Variants in RYR1 observed in about 807,000 individuals in gnomAD.
RYR1 encodes the protein ryanodine receptor 1.
Under a neutral mutation model 583.5 loss-of-function variants are expected in RYR1, and 342 were observed. That is an observed-to-expected ratio of 0.59 (90% CI 0.54 to 0.64). RYR1 has a LOEUF of 0.64. Among genes scored for constraint, RYR1 ranks in the 30% least tolerant of loss-of-function variants. The pLI is 0.00. For missense variants in RYR1, 6,032 were observed against 6,917.2 expected (o/e 0.87, Z 4.54); for synonymous variants, 2,791 against 2,822.5 (o/e 0.99, Z 0.35).
chr19:38,444,720 A>G lies in RYR1; in HGVS notation c.631+43A>G, dbSNP rs1410457711. On this transcript the variant is annotated intron_variant, in intron 7 of 105. Coordinates refer to ENST00000359596, the MANE Select transcript of RYR1 (RefSeq NM_000540.3). This position sits in a 1 kb window ranked among gnomAD's most constrained non-coding sequence, Gnocchi z 5.1. Reference sequence around the variant, plus strand: ...CCCCCTAAATGGAGATCCCCCCAAAACAGACCCTTAATGTTGCCCTTCAGG... The same window carrying G: ...CCCCCTAAATGGAGATCCCCCCAAAGCAGACCCTTAATGTTGCCCTTCAGG... 1 of 1,447,552 alleles carries G rather than the reference A, an allele frequency of 6.9e-7. No homozygotes were observed. The highest frequency in any genetic ancestry group is 9.6e-7 in the Non-Finnish European group (1 of 1,038,922). 89.7% of individuals were successfully genotyped at this position (1,447,552 alleles called of 1,614,324 possible). A position where few individuals can be genotyped will look rare whatever the true frequency, so the allele number is the denominator to read the frequency against.
chr19:38,572,586 CCTCTGCCTGCAATA>C (rs1973771392), intron 95 of RYR1, among the ~76,000 whole-genome samples: 1 of 152,120 alleles, frequency 6.6e-6, no homozygotes, highest in African/African-American at 2.4e-5. Context: ...CATGCTATTC[CCTCTGCCTGCAATA>C]CTTTGCCCTG....
At position 38,502,518 on chromosome 19, in the gene RYR1, C is replaced by T. The variant is rs754299870; in HGVS notation, c.7626C>T (p.Ser2542=). ...ACCCTGCGCCCTAGGCCACTTTCAG[C>T]ACCACCGAGATGGCGCTGGCGCTGA... is the stretch of plus-strand genomic sequence containing the variant. The part of the protein sequence containing the change: ...AAASLDTATF[S]TTEMALALNR... Residue 2542 remains serine (S), a synonymous_variant, in exon 48 of 106, where the codon AGC becomes AGT. Transcript: ENST00000359596. 6.3e-7 allele frequency: 1 copy of T among 1,595,484 alleles called. No individual in the cohort carries two copies. Among genetic ancestry groups the T allele is most frequent in the South Asian group, 1.1e-5 (1 of 90,128 alleles).
At position 38,528,385 on chromosome 19, in the gene RYR1, G is replaced by A. The variant is rs1224063497; in HGVS notation, c.10904G>A (p.Cys3635Tyr). 6.2e-7 allele frequency: 1 copy of A among 1,614,190 alleles called. No individual in the cohort carries two copies. The highest frequency in any genetic ancestry group is 1.7e-5 in the Admixed American group (1 of 60,020). Residue 3635 changes from cysteine to tyrosine, a missense_variant, in exon 74 of 106, where the codon TGT becomes TAT. Physicochemically the swap from Cys to Tyr is radical, Grantham distance 194. Around this residue, in one of 11 missense-constraint regions of RYR1, gnomAD observed 1,493 missense variants for 1,715.5 expected, o/e 0.87. Coordinates refer to ENST00000359596, the MANE Select transcript of RYR1 (RefSeq NM_000540.3). ...SKQRRRAVVA[C>Y]FRMTPLYNLP... ...CAGCGCCGGCGGGCAGTCGTGGCCT[G>A]TTTCCGTATGACGCCCCTGTACAAC...
rs118109792 is a variant in RYR1 at position 38,562,129 on chromosome 19, C to T, written c.12624+675C>T. ...GCATGCTTCATTTGTTCACTGTCCACTTGCCCTCACTGTAGCCCTGGCACA... is the reference window on the plus strand; with the variant it reads ...GCATGCTTCATTTGTTCACTGTCCATTTGCCCTCACTGTAGCCCTGGCACA... On this transcript the variant is annotated intron_variant, in intron 90 of 105. Transcript: ENST00000359596. Among the ~76,000 whole-genome samples the T allele has an allele frequency of 3.0e-3, 462 of 152,182 alleles. 21 individuals are homozygous for T. The East Asian group carries it at 0.083, about 27-fold the overall frequency.
chr19:38,468,358 G>C (rs1568464507), intron 25 of RYR1, among the ~76,000 whole-genome samples: 1 of 149,544 alleles, frequency 6.7e-6, no homozygotes, highest in Admixed American at 6.6e-5. Context: ...CCAGCCAACT[G>C]TCCATCCATC....
Position 38,543,222 on chromosome 19 carries a change from T to C in RYR1, c.11690-125T>C. ...TGATAGTTATTAAATAAATTGATGA[T>C]GATATGCTTTCTGGCATACAATAGG... On this transcript the variant is annotated intron_variant, in intron 84 of 105. Transcript: ENST00000359596. The surrounding 1 kb of genome is among the most constrained non-coding windows in gnomAD (Gnocchi z 4.4). 1 of 807,410 alleles carries C rather than the reference T, an allele frequency of 1.2e-6. No individual in the cohort carries two copies. The highest frequency in any genetic ancestry group is 2.2e-6 in the Non-Finnish European group (1 of 454,748). The allele number at this position is 807,410 out of a possible 1,614,324, so 50.0% of individuals were successfully genotyped here.
rs770698609 is a variant in RYR1 at position 38,584,993 on chromosome 19, G to T, written c.14697G>T (p.Gly4899=). 3 of 1,614,064 alleles carry T rather than the reference G, an allele frequency of 1.9e-6. No homozygotes were observed. Among genetic ancestry groups the T allele is most frequent in the South Asian group, 1.1e-5 (1 of 91,082 alleles). The part of the protein sequence containing the change: ...YVGVRAGGGI[G]DEIEDPAGDE... ...GTGTCCGGGCTGGCGGAGGCATTGG[G>T]GACGAGATCGAGGACCCCGCGGGTG... is the stretch of plus-strand genomic sequence containing the variant. The change falls in exon 102 of 106, where the codon GGG becomes GGT. Residue 4899 remains glycine (G), a synonymous_variant. Coordinates refer to ENST00000359596, the MANE Select transcript of RYR1 (RefSeq NM_000540.3).
intron 73 of RYR1, 91 bp downstream of exon 73, chr19:38,527,875 TGAC>T: frequency 6.7e-7 from 1 of 1,501,284 alleles, no homozygotes; most frequent in African/African-American, 1.4e-5. Flanking sequence ...GGTCTGGAGA[TGAC>T]TATTAAGTTT....
chr19:38,463,141 G>GCCCCCCCCCCCCCCCCCCCCCCCCC lies in RYR1; in HGVS notation c.2578-268_2578-267insCCCCCCCCCCCCCCCCCCCCCCCCC, dbSNP rs34883994. Among the ~76,000 whole-genome samples, 15 of 32,960 alleles carry GCCCCCCCCCCCCCCCCCCCCCCCCC rather than the reference G, an allele frequency of 4.6e-4. 6 individuals carry two copies. The highest frequency in any genetic ancestry group is 1.1e-3 in the Admixed American group (2 of 1,898). The allele number at this position is 32,960 out of a possible 152,430, so 21.6% of individuals were successfully genotyped here. On this transcript the variant is annotated intron_variant, in intron 20 of 105. Transcript: ENST00000359596. The stretch of plus-strand genomic sequence containing the variant: ...TTGAACTCCTGACCTCAGGCGATCT[G>GCCCCCCCCCCCCCCCCCCCCCCCCC]CCCCCCCCCCCCCCACTTAGCCTCC...
chr19:38,517,481 A>G lies in RYR1; in HGVS notation c.9808A>G (p.Ile3270Val). The stretch of plus-strand genomic sequence containing the variant: ...CCGCTACACAGAGATGCCGCATGTC[A>G]TCGAGATCACGCTGCCCATGCTATG... ...GARYTEMPHV[I>V]EITLPMLCSY... The change falls in exon 66 of 106, where the codon ATC becomes GTC. Residue 3270 changes from isoleucine (I) to valine (V), a missense_variant. Ile to Val is a conservative substitution (Grantham distance 29, BLOSUM62 3). Transcript: ENST00000359596. The G allele has an allele frequency of 6.2e-7, 1 of 1,614,000 alleles. No individual in the cohort carries two copies. The highest frequency in any genetic ancestry group is 1.1e-5 in the South Asian group (1 of 91,080).
chr19:38,516,087 G>T lies in RYR1; in HGVS notation c.9555G>T (p.Lys3185Asn). 1 of 1,548,282 alleles carries T rather than the reference G, an allele frequency of 6.5e-7. No homozygotes were observed. The highest frequency in any genetic ancestry group is 8.7e-7 in the Non-Finnish European group (1 of 1,146,182). ...AGCTAAACACAGCCCCGTCTTCCAG[G>T]CTTCGGCCAGCCCTCGGGGAGTGCC... Reference protein sequence around the residue: ...LGTTKNTYVEKLRPALGECLA... With the variant: ...LGTTKNTYVENLRPALGECLA... Residue 3185 changes from lysine (K) to asparagine (N), a missense_variant and splice_region_variant, in exon 65 of 106, where the codon AAG (lysine) becomes AAT (asparagine). Around this residue, in one of 11 missense-constraint regions of RYR1, gnomAD observed 1,493 missense variants for 1,715.5 expected, o/e 0.87. Transcript: ENST00000359596.
chr19:38,565,677 C>G lies in RYR1; in HGVS notation c.13343C>G (p.Pro4448Arg). 7.2e-7 allele frequency: 1 copy of G among 1,396,756 alleles called. No individual in the cohort carries two copies. 86.5% of individuals were successfully genotyped at this position (1,396,756 alleles called of 1,614,324 possible). A position where few individuals can be genotyped will look rare whatever the true frequency, so the allele number is the denominator to read the frequency against. ...VAVTDGGPFR[P>R]EGAGGLGDMG... The stretch of plus-strand genomic sequence containing the variant: ...GTGACCGATGGGGGCCCCTTCCGGC[C>G]CGAAGGGGCTGGCGGTCTCGGGGAC... Residue 4448 changes from proline to arginine, a missense_variant, in exon 91 of 106, where the codon CCC becomes CGC. Around this residue, in one of 11 missense-constraint regions of RYR1, gnomAD observed 753 missense variants for 759.6 expected, o/e 0.99. Transcript: ENST00000359596. The surrounding 1 kb of genome is among the most constrained non-coding windows in gnomAD (Gnocchi z 4.7).
At position 38,543,856 on chromosome 19, in the gene RYR1, T is replaced by G; in HGVS notation, c.11993T>G (p.Met3998Arg). ...GGATTCCTGCACGTGTTCGCCCACA[T>G]GATGATGAAGCTCGCTCAGGTTCGA... is the stretch of plus-strand genomic sequence containing the variant. The part of the protein sequence containing the change: ...VVGFLHVFAH[M>R]MMKLAQDSSQ... The change falls in exon 87 of 106, where the codon ATG becomes AGG. Residue 3998 changes from methionine to arginine, a missense_variant. Transcript: ENST00000359596. This position sits in a 1 kb window ranked among gnomAD's most constrained non-coding sequence, Gnocchi z 4.4. The G allele has an allele frequency of 6.2e-7, 1 of 1,613,708 alleles. No individual in the cohort carries two copies. The highest frequency in any genetic ancestry group is 1.1e-5 in the South Asian group (1 of 91,054).
chr19:38,489,294 GAGGAGGAGA>G lies in RYR1; in HGVS notation c.5674_5682del (p.Lys1892_Glu1894del), dbSNP rs1246930163. 1 of 1,603,602 alleles carries G rather than the reference GAGGAGGAGA, an allele frequency of 6.2e-7. No homozygotes were observed. On this transcript the variant is annotated inframe_deletion, in exon 35 of 106. Coordinates refer to ENST00000359596, the MANE Select transcript of RYR1 (RefSeq NM_000540.3). Reference sequence around the variant, plus strand: ...GGAGGAAGAGGGTGAAGAGGAAGATGAGGAGGAGAAGGAGGAGGATGAGGAGGAAACAGC... The same window carrying G: ...GGAGGAAGAGGGTGAAGAGGAAGATGAGGAGGAGGATGAGGAGGAAACAGC...
intron 84 of RYR1, among the ~76,000 whole-genome samples, chr19:38,542,928 GCC>G (rs2145773373): frequency 6.6e-6 from 1 of 152,094 alleles, no homozygotes; most frequent in African/African-American, 2.4e-5. Flanking sequence ...TGCAACCTCT[GCC>G]TCCGGGGTTG....
chr19:38,549,104 T>C (rs1407967000), intron 89 of RYR1, among the ~76,000 whole-genome samples: 1 of 152,152 alleles, frequency 6.6e-6, no homozygotes, highest in African/African-American at 2.4e-5. Flanking sequence ...GTTTATAGTC[T>C]AATGGGGGAG....
At chr19:38,567,967 C>G (rs758744239) in intron 93 of RYR1, 50 bp downstream of exon 93, 2 of 1,598,574 alleles carry the variant, frequency 1.3e-6, no homozygotes, top group Non-Finnish European at 1.7e-6. Flanking sequence ...GGGAGCCCCA[C>G]CTCTGGTGCC....
chr19:38,444,215 T>G lies in RYR1; in HGVS notation c.491T>G (p.Val164Gly). 2 of 1,614,052 alleles carry G rather than the reference T, an allele frequency of 1.2e-6. No homozygotes were observed. Among genetic ancestry groups the G allele is most frequent in the Non-Finnish European group, 1.7e-6 (2 of 1,179,968 alleles). The change falls in exon 6 of 106, where the codon GTT (valine) becomes GGT (glycine). Residue 164 changes from valine to glycine, a missense_variant. Physicochemically the swap from Val to Gly is moderately radical, Grantham distance 109. Coordinates refer to ENST00000359596, the MANE Select transcript of RYR1 (RefSeq NM_000540.3). The surrounding 1 kb of genome is among the most constrained non-coding windows in gnomAD (Gnocchi z 5.1). ...AGGTCTGAAGGAGAAAAGGTCCGCG[T>G]TGGGGATGACATCATCCTTGTCAGT... The part of the protein sequence containing the change: ...KQRSEGEKVR[V>G]GDDIILVSVS...
At chr19:38,527,327 G>A (rs538492900) in intron 72 of RYR1, among the ~76,000 whole-genome samples, 56 of 152,158 alleles carry the variant, frequency 3.7e-4, no homozygotes, top group Non-Finnish European at 6.2e-4. Context: ...CCTGGCCAAC[G>A]TGGTGAAACC....
Sources: allele counts gnomAD v4.1 joint callset (sites outside exome capture counted in the v4.1 genomes callset), GRCh38; gene constraint gnomAD v4.1.1; regional missense constraint gnomAD v4.1.1; non-coding constraint Gnocchi (gnomAD v3.1); transcripts MANE v1.5; gene names NCBI Gene and HGNC (gene_info 2026-07-23, HGNC 2026-07-21).